SHPK: variants seen among roughly 807,000 people sequenced by gnomAD.
The protein encoded by SHPK is sedoheptulokinase.
SHPK carries 51 observed loss-of-function variants against 46.3 expected under a neutral mutation model. The observed-to-expected ratio is 1.10, with a 90% CI of 0.88 to 1.39. SHPK has a LOEUF of 1.39. Among genes scored for constraint, SHPK ranks in the 40% most tolerant of loss-of-function variants. The pLI, the probability that SHPK is intolerant of heterozygous loss-of-function variation, is 0.00. For synonymous variants in SHPK, 290 were observed against 273.9 expected, an observed-to-expected ratio of 1.06 and a Z score of -0.58; for missense variants, 668 against 641.3, an observed-to-expected ratio of 1.04 and a Z score of -0.45.
chr17:3,619,426 A>C, intron 5 of SHPK: 1 of 1,540,296 alleles, frequency 6.5e-7, no homozygotes, highest in Non-Finnish European at 8.9e-7. Context: ...ATAAAGCCAA[A>C]TGCCTGATTA....
At chr17:3,615,309 A>G (rs1244599114) in intron 6 of SHPK, 28 bp downstream of exon 6, 1 of 1,609,422 alleles carries the variant, frequency 6.2e-7, no homozygotes, top group Admixed American at 1.7e-5. Context: ...CAGGCAGAGA[A>G]CACAGCGCTG....
chr17:3,623,587 G>C, intron 3 of SHPK, 96 bp from the exon 4 acceptor site: 1 of 1,277,588 alleles, frequency 7.8e-7, no homozygotes, highest in Non-Finnish European at 1.1e-6. Flanking sequence ...GCTGTGCCAT[G>C]GCCAGGTGGC....
chr17:3,636,215 G>A lies in SHPK; in HGVS notation c.5C>T (p.Ala2Val), dbSNP rs770810902. M[A>V]ARPITLGIDL... is the part of the protein sequence containing the mutation. The stretch of plus-strand genomic sequence containing the variant: ...AATGCCGAGGGTGATCGGCCGCGCA[G>A]CCATTATCTCCCTGACCCGCGCAGC... Residue 2 changes from alanine to valine, a missense_variant, in exon 1 of 7, where the codon GCT becomes GTT. Coordinates refer to ENST00000225519, the MANE Select transcript of SHPK (RefSeq NM_013276.4). The A allele has an allele frequency of 1.2e-5, 20 of 1,602,312 alleles. No homozygotes were observed. In the East Asian group the frequency reaches 3.2e-4, roughly 25 times the overall value.
intron 3 of SHPK, among the ~76,000 whole-genome samples, 160 bp downstream of exon 3, chr17:3,623,888 G>T (rs1336281138): frequency 1.3e-5 from 2 of 152,202 alleles, no homozygotes; most frequent in African/African-American, 4.8e-5. Context: ...AAAGGACGTG[G>T]TTCTGGACCC....
In SHPK at chr17:3,608,268, TCA is replaced by T. The variant is rs1567679086; in HGVS notation, c.*2290_*2291del. On this transcript the variant is annotated 3_prime_UTR_variant, in exon 7 of 7. Transcript: ENST00000225519. ...CACGAATTTCTTTTTCTTTAGAATTTCACAGATAGAAGATTCAGCATATGACT... is the reference window on the plus strand; with the variant it reads ...CACGAATTTCTTTTTCTTTAGAATTTCAGATAGAAGATTCAGCATATGACT... The T allele has an allele frequency of 6.6e-6, 1 of 151,920 alleles. No individual in the cohort carries two copies. Among genetic ancestry groups the T allele is most frequent in the Non-Finnish European group, 1.5e-5 (1 of 68,000 alleles). The allele number at this position is 151,920 out of a possible 1,614,324, so 9.4% of individuals were successfully genotyped here. A position where few individuals can be genotyped will look rare whatever the true frequency, so the allele number is the denominator to read the frequency against.
intron 5 of SHPK, among the ~76,000 whole-genome samples, chr17:3,620,314 G>A (rs1480505969): frequency 2.6e-5 from 4 of 151,642 alleles, no homozygotes; most frequent in Non-Finnish European, 5.9e-5. Context: ...AGGCCGGAGT[G>A]CAGTGGCACG....
intron 1 of SHPK, among the ~76,000 whole-genome samples, chr17:3,631,982 C>A (rs1012208526): frequency 6.6e-6 from 1 of 151,534 alleles, no homozygotes; most frequent in Admixed American, 6.6e-5. Context: ...TTTTTTGAGA[C>A]GGAATCTCAC....
At chr17:3,627,700 G>C (rs1485033690) in intron 2 of SHPK, among the ~76,000 whole-genome samples, 1 of 151,322 alleles carries the variant, frequency 6.6e-6, no homozygotes, top group African/African-American at 2.4e-5. Context: ...CCAACGATGT[G>C]GCTGATGGTT....
chr17:3,636,026 G>A lies in SHPK; in HGVS notation c.168+26C>T, dbSNP rs772056559. 6.6e-6 allele frequency: 10 copies of A among 1,515,302 alleles called. No individual in the cohort carries two copies. In the South Asian group the frequency reaches 1.1e-4, roughly 17 times the overall value. The allele number at this position is 1,515,302 out of a possible 1,614,324, so 93.9% of individuals were successfully genotyped here. The stretch of plus-strand genomic sequence containing the variant: ...GGGTGGTCAGGAGGCTCCTGGAGGC[G>A]GCGCGGCCCCGGGGGTCCAACTCAC... On this transcript the variant is annotated intron_variant, in intron 1 of 6. Coordinates refer to ENST00000225519, the MANE Select transcript of SHPK (RefSeq NM_013276.4).
At chr17:3,614,127 AAAG>A (rs1309677463) in intron 6 of SHPK, among the ~76,000 whole-genome samples, 9 of 152,320 alleles carry the variant, frequency 5.9e-5, no homozygotes, top group South Asian at 2.1e-4. Context: ...ATGGGAAAAC[AAAG>A]AAGGGAAGGG....
rs1383292687 is a variant in SHPK at position 3,610,842 on chromosome 17, C to T, written c.1155G>A (p.Val385=). 1 of 1,614,106 alleles carries T rather than the reference C, an allele frequency of 6.2e-7. No homozygotes were observed. Among genetic ancestry groups the T allele is most frequent in the Admixed American group, 1.7e-5 (1 of 60,022 alleles). ...ERHLPDQLAS[V]TRISSSDLSL... is the part of the protein sequence containing the mutation. ...AGAGGTCGGAGGAGGAGATTCTGGTCACTGAGGCCAGCTGGTCCGGCAGGT... is the reference window on the plus strand; with the variant it reads ...AGAGGTCGGAGGAGGAGATTCTGGTTACTGAGGCCAGCTGGTCCGGCAGGT... The change falls in exon 7 of 7, where the codon GTG becomes GTA. Residue 385 remains valine (V), a synonymous_variant. Coordinates refer to ENST00000225519, the MANE Select transcript of SHPK (RefSeq NM_013276.4).
chr17:3,614,585 T>C (rs1042528340), intron 6 of SHPK, among the ~76,000 whole-genome samples: 2 of 149,088 alleles, frequency 1.3e-5, no homozygotes, highest in Non-Finnish European at 3.0e-5. Context: ...CAGTGGCTCA[T>C]GCCTATAATC....
At position 3,610,655 on chromosome 17, in the gene SHPK, A is replaced by G; in HGVS notation, c.1342T>C (p.Phe448Leu). 1 of 1,613,974 alleles carries G rather than the reference A, an allele frequency of 6.2e-7. No homozygotes were observed. The highest frequency in any genetic ancestry group is 8.5e-7 in the Non-Finnish European group (1 of 1,179,966). Residue 448 changes from phenylalanine to leucine, a missense_variant, in exon 7 of 7, where the codon TTC (phenylalanine) becomes CTC (leucine). Coordinates refer to ENST00000225519, the MANE Select transcript of SHPK (RefSeq NM_013276.4). ...DVLKQEVQRA[F>L]PLPMSFGQDV... is the part of the protein sequence containing the mutation. ...TGCCCAAAGGACATGGGCAAAGGGA[A>G]AGCCCTCTGCACCTCCTGCTTCAGC... is the stretch of plus-strand genomic sequence containing the variant.
Position 3,636,222 on chromosome 17 carries a change from T to A in SHPK, c.-3A>T. 1.7e-5 allele frequency: 28 copies of A among 1,600,200 alleles called. No individual in the cohort carries two copies. The highest frequency in any genetic ancestry group is 2.3e-5 in the Non-Finnish European group (27 of 1,170,858). ...AGGGTGATCGGCCGCGCAGCCATTA[T>A]CTCCCTGACCCGCGCAGCTCCAGTC... On this transcript the variant is annotated 5_prime_UTR_variant, in exon 1 of 7. Transcript: ENST00000225519.
At chr17:3,615,256 A>T in intron 6 of SHPK, 81 bp downstream of exon 6, 1 of 1,407,930 alleles carries the variant, frequency 7.1e-7, no homozygotes, top group South Asian at 1.2e-5. Flanking sequence ...GAAACCGCAC[A>T]TGAAGCTCCG....
chr17:3,615,393 C>A lies in SHPK; in HGVS notation c.968G>T (p.Gly323Val). ...GACGAACGTGGCCAGCACATTGCCC[C>A]CGTTGAGTGACGCGGCCACCCCCAG... is the stretch of plus-strand genomic sequence containing the variant. Reference protein sequence around the residue: ...TYLGVAASLNGGNVLATFVHM... With the variant: ...TYLGVAASLNVGNVLATFVHM... Residue 323 changes from glycine (G) to valine (V), a missense_variant, in exon 6 of 7, where the codon GGG becomes GTG. Transcript: ENST00000225519. The A allele has an allele frequency of 1.9e-6, 3 of 1,614,184 alleles. No homozygotes were observed. Among genetic ancestry groups the A allele is most frequent in the Non-Finnish European group, 2.5e-6 (3 of 1,180,026 alleles).
At chr17:3,614,396 G>T (rs1010170599) in intron 6 of SHPK, among the ~76,000 whole-genome samples, 4 of 151,982 alleles carry the variant, frequency 2.6e-5, no homozygotes, top group African/African-American at 9.7e-5. Flanking sequence ...GTGGTGGCGG[G>T]TGCCTGTAGT....
At chr17:3,624,343 A>G (rs539134843) in intron 2 of SHPK, 112 bp from the exon 3 acceptor site, 2 of 1,020,146 alleles carry the variant, frequency 2.0e-6, no homozygotes, top group East Asian at 5.2e-5. Flanking sequence ...TCGTCCCATG[A>G]TAAAGCCTGG....
At chr17:3,623,118 G>C (rs2075412530) in intron 4 of SHPK, among the ~76,000 whole-genome samples, 1 of 152,208 alleles carries the variant, frequency 6.6e-6, no homozygotes. Context: ...GGAGGAGCAG[G>C]ACAGCATGGC....
Sources: gnomAD v4.1 joint callset for allele counts (sites outside exome capture counted in the v4.1 genomes callset) on GRCh38, gnomAD v4.1.1 for gene constraint, MANE v1.5 for transcripts, NCBI Gene and HGNC (gene_info 2026-07-23, HGNC 2026-07-21) for gene names.